The following ARID4A variants were observed in gnomAD, a reference collection of about 807,000 sequenced individuals.
ARID4A encodes the protein AT-rich interaction domain 4A, also known as AT-rich interactive domain-containing protein 4A.
A neutral mutation model predicts 148.6 loss-of-function variants in ARID4A; 39 were observed. The ratio of observed to expected loss-of-function variants is 0.26; its 90% CI spans 0.20 to 0.34. The LOEUF (loss-of-function observed/expected upper bound fraction) is 0.34, where lower values mean the gene tolerates loss of function less well. Among genes scored for constraint, ARID4A ranks in the 10% least tolerant of loss-of-function variants. ARID4A has a pLI of 1.00. For synonymous variants in ARID4A, 475 were observed against 481.2 expected, an observed-to-expected ratio of 0.99 and a Z score of 0.17; for missense variants, 1,265 against 1,449.1, an observed-to-expected ratio of 0.87 and a Z score of 2.06.
chr14:58,373,537 A>G lies in ARID4A; in HGVS notation c.*1548A>G, dbSNP rs1195316034. The G allele has an allele frequency of 5.6e-6, 1 of 177,354 alleles. No individual in the cohort carries two copies. The highest frequency in any genetic ancestry group is 9.5e-5 in the East Asian group (1 of 10,572). 11.0% of individuals were successfully genotyped at this position (177,354 alleles called of 1,614,324 possible). A position where few individuals can be genotyped will look rare whatever the true frequency, so the allele number is the denominator to read the frequency against. ...CTAGTGATGGCATAGCATTACTGAA[A>G]TCATTGTTTCTTAATTTCATTTTAC... is the stretch of plus-strand genomic sequence containing the variant. On this transcript the variant is annotated 3_prime_UTR_variant, in exon 24 of 24. Transcript: ENST00000355431.
intron 11 of ARID4A, among the ~76,000 whole-genome samples, chr14:58,337,246 TTATATATA>T (rs57605969): frequency 7.2e-5 from 6 of 83,818 alleles, no homozygotes; most frequent in Admixed American, 4.3e-4. Flanking sequence ...TTCTCTTTAT[TTATATATA>T]TATATATATA....
intron 14 of ARID4A, 80 bp downstream of exon 14, chr14:58,347,197 C>A: frequency 1.4e-6 from 1 of 705,276 alleles, no homozygotes. Flanking sequence ...AAGAATACAT[C>A]AATCTAGAAA....
At chr14:58,359,882 C>T (rs558013785) in intron 18 of ARID4A, among the ~76,000 whole-genome samples, 4 of 152,056 alleles carry the variant, frequency 2.6e-5, no homozygotes, top group East Asian at 1.9e-4. Context: ...CTGGCTAACA[C>T]GGTGAAACCC....
chr14:58,363,092 A>C (rs1284311577), intron 19 of ARID4A, among the ~76,000 whole-genome samples: 1 of 152,224 alleles, frequency 6.6e-6, no homozygotes, highest in African/African-American at 2.4e-5. Flanking sequence ...ATACAACTAC[A>C]TACCAGCCTT....
At chr14:58,303,395 C>T in intron 3 of ARID4A, 1 of 384,902 alleles carries the variant, frequency 2.6e-6, no homozygotes. Flanking sequence ...TGAAAGTCCT[C>T]CTTGATACGA....
chr14:58,324,947 G>A (rs961606591), intron 8 of ARID4A, among the ~76,000 whole-genome samples: 1 of 152,096 alleles, frequency 6.6e-6, no homozygotes, highest in Non-Finnish European at 1.5e-5. Context: ...AGTTATTAAA[G>A]ATTGTATAGT....
At chr14:58,332,838 T>C (rs1296322978) in intron 11 of ARID4A, among the ~76,000 whole-genome samples, 4 of 152,188 alleles carry the variant, frequency 2.6e-5, no homozygotes, top group Admixed American at 2.6e-4. Flanking sequence ...TGTAAGGTTC[T>C]CTAAACCACT....
chr14:58,305,077 T>C, intron 4 of ARID4A, 68 bp downstream of exon 4: 2 of 1,307,090 alleles, frequency 1.5e-6, no homozygotes, highest in South Asian at 1.4e-5. Flanking sequence ...TGAATTTACA[T>C]TTCTACATAG....
intron 18 of ARID4A, among the ~76,000 whole-genome samples, chr14:58,359,947 TCC>T (rs1408010240): frequency 6.6e-6 from 1 of 151,662 alleles, no homozygotes; most frequent in Non-Finnish European, 1.5e-5. Flanking sequence ...GCGCCTGTAG[TCC>T]CAGCTACTCG....
chr14:58,318,482 CTTT>C, intron 5 of ARID4A, 57 bp from the exon 6 acceptor site: 1 of 1,490,474 alleles, frequency 6.7e-7, no homozygotes, highest in Non-Finnish European at 9.3e-7. Context: ...GCATTCTGTG[CTTT>C]TAAGTTTTTA....
At chr14:58,322,980 A>AAT (rs1220546707) in intron 7 of ARID4A, among the ~76,000 whole-genome samples, 2,995 of 113,702 alleles carry the variant, frequency 0.026, 236 homozygotes, top group African/African-American at 0.076. Context: ...AAAAAAAAAA[A>AAT]ATATATATAT....
chr14:58,349,013 C>G (rs2034506893), intron 15 of ARID4A, among the ~76,000 whole-genome samples: 1 of 152,108 alleles, frequency 6.6e-6, no homozygotes, highest in Non-Finnish European at 1.5e-5. Context: ...ACAGTAACTC[C>G]TCATTCCTCC....
chr14:58,337,593 T>A (rs1232755467), intron 11 of ARID4A, among the ~76,000 whole-genome samples: 4 of 152,110 alleles, frequency 2.6e-5, no homozygotes, highest in Admixed American at 6.6e-5. Context: ...TAACTTCCCT[T>A]TATAATATCT....
At chr14:58,355,059 A>G (rs1175718221) in intron 17 of ARID4A, among the ~76,000 whole-genome samples, 1 of 152,226 alleles carries the variant, frequency 6.6e-6, no homozygotes, top group Non-Finnish European at 1.5e-5. Flanking sequence ...GACTAGCTCT[A>G]AGCAACACCA....
intron 15 of ARID4A, among the ~76,000 whole-genome samples, chr14:58,349,963 G>T (rs1448349386): frequency 6.6e-6 from 1 of 151,334 alleles, no homozygotes; most frequent in Non-Finnish European, 1.5e-5. Flanking sequence ...ACAAAAATTA[G>T]CTGGGCATGG....
chr14:58,327,778 C>G (rs2033299940), intron 8 of ARID4A, among the ~76,000 whole-genome samples: 1 of 152,014 alleles, frequency 6.6e-6, no homozygotes, highest in South Asian at 2.1e-4. Context: ...CTCAAGTGAT[C>G]TTACCATCCC....
chr14:58,335,604 T>C (rs1815236), intron 11 of ARID4A, among the ~76,000 whole-genome samples: 152,289 of 152,290 alleles, frequency 1, 76,144 homozygotes, highest in Non-Finnish European at 1. Context: ...TGAGCCACCG[T>C]GCCCGGCCAA....
intron 8 of ARID4A, among the ~76,000 whole-genome samples, chr14:58,325,510 C>G (rs749426363): frequency 2.0e-5 from 3 of 152,144 alleles, no homozygotes; most frequent in Admixed American, 6.5e-5. Context: ...GTCTCAAACT[C>G]CTGGGCTCAG....
rs2034419151 is a variant in ARID4A at position 58,347,252 on chromosome 14, T to C, written c.1172+135T>C. 1.0e-5 allele frequency: 5 copies of C among 491,190 alleles called. No homozygotes were observed. In the South Asian group the frequency reaches 1.4e-4, roughly 14 times the overall value. The allele number at this position is 491,190 out of a possible 1,614,324, so 30.4% of individuals were successfully genotyped here. ...ATATAAAAAGGTTTAGGTTGACAGA[T>C]ACTTGTGATTGAAAGTTATTTCAGC... On this transcript the variant is annotated intron_variant, in intron 14 of 23. Coordinates refer to ENST00000355431, the MANE Select transcript of ARID4A (RefSeq NM_002892.4).
Sources: allele counts gnomAD v4.1 joint callset (sites outside exome capture counted in the v4.1 genomes callset), GRCh38; gene constraint gnomAD v4.1.1; transcripts MANE v1.5; gene names NCBI Gene and HGNC (gene_info 2026-07-23, HGNC 2026-07-21).